INPP4B: variants seen among roughly 807,000 people sequenced by gnomAD.
INPP4B encodes inositol polyphosphate-4-phosphatase type II B, also known as inositol polyphosphate 4-phosphatase type II.
Under a neutral mutation model 122.5 loss-of-function variants are expected in INPP4B, and 55 were observed. That is an observed-to-expected ratio of 0.45 (90% CI 0.36 to 0.56). The LOEUF is 0.56. Among genes scored for constraint, INPP4B ranks in the 20% least tolerant of loss-of-function variants. The pLI, the probability that INPP4B is intolerant of heterozygous loss-of-function variation, is 0.00. For missense variants in INPP4B, 1,000 were observed against 1,097.7 expected, an observed-to-expected ratio of 0.91 and a Z score of 1.26; for synonymous variants, 403 against 388.7, an observed-to-expected ratio of 1.04 and a Z score of -0.43.
chr4:142,116,377 T>A (rs1294334930), intron 21 of INPP4B, among the ~76,000 whole-genome samples: 1 of 152,078 alleles, frequency 6.6e-6, no homozygotes, highest in Non-Finnish European at 1.5e-5. Context: ...CAGCACCACA[T>A]CACACTTATT....
intron 2 of INPP4B, among the ~76,000 whole-genome samples, chr4:142,696,487 A>G (rs1171100779): frequency 1.3e-5 from 2 of 152,214 alleles, no homozygotes; most frequent in Admixed American, 6.5e-5. Flanking sequence ...ATTCTGTGGT[A>G]CAGATACTCC....
chr4:142,805,891 T>TC (rs1778615175), intron 1 of INPP4B, among the ~76,000 whole-genome samples: 1 of 152,128 alleles, frequency 6.6e-6, no homozygotes, highest in Non-Finnish European at 1.5e-5. Context: ...CACCCATAAA[T>TC]CCCACATTGT....
intron 2 of INPP4B, among the ~76,000 whole-genome samples, chr4:142,552,197 A>T (rs1245396806): frequency 6.6e-6 from 1 of 152,170 alleles, no homozygotes; most frequent in Non-Finnish European, 1.5e-5. Context: ...ATACTAAATG[A>T]GCTCTCAAAA....
chr4:142,390,720 T>C (rs1017742062), intron 7 of INPP4B, among the ~76,000 whole-genome samples: 3 of 152,230 alleles, frequency 2.0e-5, no homozygotes, highest in South Asian at 4.1e-4. Context: ...TGTCTGAGTA[T>C]ATGGTATCAT....
chr4:142,212,604 G>C (rs1845394048), intron 12 of INPP4B, among the ~76,000 whole-genome samples: 1 of 151,936 alleles, frequency 6.6e-6, no homozygotes, highest in South Asian at 2.1e-4. Flanking sequence ...CATCTTTTTT[G>C]GTCTATTGTC....
At chr4:142,806,547 G>T (rs1389799830) in intron 1 of INPP4B, among the ~76,000 whole-genome samples, 1 of 151,482 alleles carries the variant, frequency 6.6e-6, no homozygotes, top group African/African-American at 2.4e-5. Flanking sequence ...TTCAAGAGCA[G>T]CCGGGGACAA....
At chr4:142,519,279 C>A (rs1265914996) in intron 2 of INPP4B, among the ~76,000 whole-genome samples, 1 of 152,066 alleles carries the variant, frequency 6.6e-6, no homozygotes, top group East Asian at 1.9e-4. Context: ...TGTAAAATTT[C>A]CTCATACAAG....
chr4:142,384,221 A>T, intron 7 of INPP4B: 1 of 672,694 alleles, frequency 1.5e-6, no homozygotes, highest in Non-Finnish European at 2.7e-6. Context: ...ATACCTTAGA[A>T]AAAACAGGTA....
chr4:142,054,815 A>G (rs1014260402), intron 25 of INPP4B, among the ~76,000 whole-genome samples: 10 of 152,246 alleles, frequency 6.6e-5, no homozygotes, highest in African/African-American at 2.4e-4. Context: ...CAATACACAT[A>G]AGGGACAGTT....
intron 1 of INPP4B, among the ~76,000 whole-genome samples, chr4:142,802,935 C>T (rs1445087943): frequency 1.3e-5 from 2 of 151,514 alleles, no homozygotes; most frequent in African/African-American, 4.9e-5. Flanking sequence ...TTTGGGAGGC[C>T]GAGGCAGGTG....
At chr4:142,309,894 A>T (rs1764823409) in intron 8 of INPP4B, among the ~76,000 whole-genome samples, 1 of 152,308 alleles carries the variant, frequency 6.6e-6, no homozygotes, top group Non-Finnish European at 1.5e-5. Flanking sequence ...CTCTCCCTAC[A>T]GGGAGTGTCC....
At chr4:142,808,481 A>G (rs1779121111) in intron 1 of INPP4B, among the ~76,000 whole-genome samples, 1 of 152,176 alleles carries the variant, frequency 6.6e-6, no homozygotes, top group Non-Finnish European at 1.5e-5. Context: ...ACTGAATCTA[A>G]TCTCAGCTGT....
chr4:142,651,571 C>T (rs1046551321), intron 2 of INPP4B, among the ~76,000 whole-genome samples: 3 of 152,118 alleles, frequency 2.0e-5, no homozygotes, highest in Non-Finnish European at 2.9e-5. Flanking sequence ...TACAAACTAC[C>T]ATCAGAGAAT....
chr4:142,267,554 T>G (rs746945822), intron 10 of INPP4B, among the ~76,000 whole-genome samples: 2 of 152,130 alleles, frequency 1.3e-5, no homozygotes, highest in Non-Finnish European at 2.9e-5. Flanking sequence ...GCCATGCTCA[T>G]GCACAAAAAT....
intron 2 of INPP4B, among the ~76,000 whole-genome samples, chr4:142,699,780 C>T (rs1459872685): frequency 3.3e-5 from 5 of 152,148 alleles, no homozygotes; most frequent in African/African-American, 9.7e-5. Context: ...AATATCTAGA[C>T]CCTTTTAACA....
intron 1 of INPP4B, among the ~76,000 whole-genome samples, chr4:142,806,265 T>G (rs1778686949): frequency 9.6e-6 from 1 of 103,936 alleles, no homozygotes; most frequent in African/African-American, 4.2e-5. Flanking sequence ...GGAGAACGAG[T>G]GAGACTCCGT....
chr4:142,215,971 C>T (rs1432072877), intron 12 of INPP4B, among the ~76,000 whole-genome samples: 1 of 132,442 alleles, frequency 7.6e-6, no homozygotes, highest in Non-Finnish European at 1.6e-5. Context: ...TAAATAGTTG[C>T]ATACCATTAC....
intron 1 of INPP4B, among the ~76,000 whole-genome samples, chr4:142,822,433 C>G (rs1389906127): frequency 7.9e-5 from 12 of 152,104 alleles, no homozygotes; most frequent in Admixed American, 7.9e-4. Flanking sequence ...AGGAGGTGAG[C>G]TGCAGGAGAG....
At chr4:142,602,629 A>T (rs1269013049) in intron 2 of INPP4B, among the ~76,000 whole-genome samples, 1 of 152,202 alleles carries the variant, frequency 6.6e-6, no homozygotes, top group African/African-American at 2.4e-5. Context: ...AACATCACTG[A>T]TCATTAGAAA....
Sources: gnomAD v4.1 joint callset for allele counts (sites outside exome capture counted in the v4.1 genomes callset) on GRCh38, gnomAD v4.1.1 for gene constraint, MANE v1.5 for transcripts, NCBI Gene and HGNC (gene_info 2026-07-23, HGNC 2026-07-21) for gene names.